The following AP1G1 variants were observed in gnomAD, a reference collection of about 807,000 sequenced individuals.
AP1G1 encodes the protein AP-1 complex subunit gamma-1.
In AP1G1, 7 loss-of-function variants were observed where a neutral mutation model predicts 108.3. That is an observed-to-expected ratio of 0.06 (90% CI 0.04 to 0.12). The LOEUF is 0.12. Among genes scored for constraint, AP1G1 ranks in the 10% least tolerant of loss-of-function variants. The probability of loss-of-function intolerance (pLI) is 1.00; values close to 1 mark genes in which losing one functional copy is unlikely to be tolerated. For missense variants in AP1G1, 756 were observed against 1,010.7 expected (o/e 0.75, Z 3.42); for synonymous variants, 379 against 353.5 (o/e 1.07, Z -0.81).
At chr16:71,807,967 A>T in intron 1 of AP1G1, 1 of 1,246,886 alleles carries the variant, frequency 8.0e-7, no homozygotes, top group Non-Finnish European at 1.0e-6. Context: ...TGCCTCCCAA[A>T]AGCCATTTAA....
At chr16:71,771,414 G>C (rs1313955760) in intron 4 of AP1G1, among the ~76,000 whole-genome samples, 162 bp from the exon 5 acceptor site, 3 of 152,172 alleles carry the variant, frequency 2.0e-5, no homozygotes, top group Non-Finnish European at 4.4e-5. Context: ...TCGACACAGT[G>C]ATAGCCCACT....
intron 2 of AP1G1, among the ~76,000 whole-genome samples, chr16:71,778,349 C>A (rs1312925399): frequency 6.6e-6 from 1 of 152,120 alleles, no homozygotes; most frequent in African/African-American, 2.4e-5. Context: ...ACTTAAGTGG[C>A]CAGCCATAGT....
chr16:71,734,461 C>G (rs2045508368), intron 22 of AP1G1, 148 bp downstream of exon 22: 4 of 662,848 alleles, frequency 6.0e-6, no homozygotes, highest in African/African-American at 1.8e-5. Flanking sequence ...TTGTTATTTA[C>G]AAAAGAGCAA....
intron 2 of AP1G1, among the ~76,000 whole-genome samples, chr16:71,776,125 A>C (rs2031773089): frequency 1.3e-5 from 2 of 152,208 alleles, no homozygotes; most frequent in African/African-American, 4.8e-5. Context: ...GTATACAGGA[A>C]GCTAAAATCA....
At chr16:71,738,370 C>T (rs1567639679) in intron 21 of AP1G1, among the ~76,000 whole-genome samples, 1 of 152,088 alleles carries the variant, frequency 6.6e-6, no homozygotes, top group Non-Finnish European at 1.5e-5. Flanking sequence ...CAAGATTTTT[C>T]ACTATTCATA....
intron 12 of AP1G1, among the ~76,000 whole-genome samples, chr16:71,754,832 T>C (rs1021986138): frequency 2.7e-5 from 4 of 150,862 alleles, no homozygotes; most frequent in South Asian, 2.1e-4. Context: ...AGAGGGTACA[T>C]AGTCAAACTC....
At chr16:71,788,851 C>T (rs2032301573) in intron 2 of AP1G1, among the ~76,000 whole-genome samples, 2 of 150,264 alleles carry the variant, frequency 1.3e-5, no homozygotes, top group African/African-American at 4.9e-5. Context: ...AGAGCAGGGT[C>T]TCACTATGTT....
chr16:71,806,168 T>C (rs1436978457), intron 1 of AP1G1, among the ~76,000 whole-genome samples: 1 of 152,230 alleles, frequency 6.6e-6, no homozygotes, highest in Non-Finnish European at 1.5e-5. Context: ...TTCTGTACTT[T>C]AAAGTTTCAC....
chr16:71,802,370 G>T (rs962014098), intron 1 of AP1G1, among the ~76,000 whole-genome samples: 4 of 152,050 alleles, frequency 2.6e-5, no homozygotes, highest in African/African-American at 9.7e-5. Context: ...GGGTTCAAGT[G>T]ATCTTCCTGC....
At chr16:71,744,857 T>C (rs2030088910) in intron 19 of AP1G1, among the ~76,000 whole-genome samples, 1 of 152,178 alleles carries the variant, frequency 6.6e-6, no homozygotes, top group African/African-American at 2.4e-5. Context: ...ATTACAGGCA[T>C]GAGCCACTGC....
intron 5 of AP1G1, 65 bp downstream of exon 5, chr16:71,771,091 G>C (rs781644522): frequency 2.0e-6 from 2 of 1,014,410 alleles, no homozygotes; most frequent in East Asian, 5.0e-5. Context: ...GACTAACATA[G>C]CCTTAAGCCT....
At chr16:71,808,334 A>G (rs2033069951) in intron 1 of AP1G1, 5 of 757,844 alleles carry the variant, frequency 6.6e-6, no homozygotes, top group Admixed American at 8.5e-5. Flanking sequence ...GCATTTGGAT[A>G]TGCTGGGAGT....
chr16:71,790,234 C>T (rs1009061909), intron 1 of AP1G1, among the ~76,000 whole-genome samples: 2 of 152,046 alleles, frequency 1.3e-5, no homozygotes, highest in African/African-American at 4.8e-5. Context: ...GTGGAACTAA[C>T]TGAATGTAAG....
rs148459847 is a variant in AP1G1, at chr16:71,729,128, C to A, written c.*3930G>T. On this transcript the variant is annotated 3_prime_UTR_variant, in exon 23 of 23. Transcript: ENST00000299980. ...ATGTTTACATCCATTTTATTCCTCA[C>A]TCGCCTCTAAGACTTATCATTTAAC... 6.6e-6 allele frequency: 1 copy of A among 152,022 alleles called. No homozygotes were observed. Among genetic ancestry groups the A allele is most frequent in the African/African-American group, 2.4e-5 (1 of 41,260 alleles). 9.4% of individuals were successfully genotyped at this position (152,022 alleles called of 1,614,324 possible). A position where few individuals can be genotyped will look rare whatever the true frequency, so the allele number is the denominator to read the frequency against.
At chr16:71,733,590 T>G (rs545498352) in intron 22 of AP1G1, among the ~76,000 whole-genome samples, 189 of 80,692 alleles carry the variant, frequency 2.3e-3, no homozygotes, top group African/African-American at 8.0e-3. Context: ...GGTCTTCAAC[T>G]CCTGACCTCA....
chr16:71,784,316 A>AC, intron 2 of AP1G1, among the ~76,000 whole-genome samples: 1 of 152,214 alleles, frequency 6.6e-6, no homozygotes. Flanking sequence ...GCCAGAAGTC[A>AC]CATCCAGGCA....
intron 1 of AP1G1, among the ~76,000 whole-genome samples, chr16:71,800,812 A>C (rs907567856): frequency 6.6e-6 from 1 of 151,718 alleles, no homozygotes; most frequent in African/African-American, 2.4e-5. Context: ...AAAAAAAAAA[A>C]GAAAGAAACC....
intron 1 of AP1G1, among the ~76,000 whole-genome samples, chr16:71,801,180 G>A (rs1397231768): frequency 6.6e-6 from 1 of 152,008 alleles, no homozygotes; most frequent in African/African-American, 2.4e-5. Context: ...GGTGGCAGGT[G>A]CCTATAATCC....
intron 11 of AP1G1, chr16:71,758,607 C>A: frequency 3.3e-6 from 2 of 607,118 alleles, no homozygotes; most frequent in Non-Finnish European, 6.0e-6. Flanking sequence ...TCCTTAACAA[C>A]CTAAACTTCT....
Sources: gnomAD v4.1 joint callset for allele counts (sites outside exome capture counted in the v4.1 genomes callset) on GRCh38, gnomAD v4.1.1 for gene constraint, MANE v1.5 for transcripts, NCBI Gene and HGNC (gene_info 2026-07-23, HGNC 2026-07-21) for gene names.